Variants in CFAP73 observed in about 807,000 individuals in gnomAD.
CFAP73 encodes the protein cilia- and flagella-associated protein 73.
In CFAP73, 33 loss-of-function variants were observed where a neutral mutation model predicts 42.9. The ratio of observed to expected loss-of-function variants is 0.77; its 90% CI spans 0.58 to 1.03. The LOEUF (loss-of-function observed/expected upper bound fraction) is 1.03, where lower values mean the gene tolerates loss of function less well. CFAP73 is among the 50% of genes least tolerant of loss of function. The probability of loss-of-function intolerance (pLI) is 0.00; values close to 1 mark genes in which losing one functional copy is unlikely to be tolerated. For missense variants in CFAP73, 392 were observed against 411.9 expected (o/e 0.95, Z 0.42); for synonymous variants, 162 against 186.8 (o/e 0.87, Z 1.08).
chr12:113,156,396 G>A (rs1230167753), intron 6 of CFAP73, among the ~76,000 whole-genome samples: 1 of 151,726 alleles, frequency 6.6e-6, no homozygotes, highest in Non-Finnish European at 1.5e-5. Context: ...TTTTTATTCG[G>A]CCGGGAGCTC....
intron 1 of CFAP73, among the ~76,000 whole-genome samples, chr12:113,151,179 T>G (rs1036760728): frequency 6.6e-6 from 1 of 152,150 alleles, no homozygotes; most frequent in African/African-American, 2.4e-5. Flanking sequence ...CAGGACAATT[T>G]GTTCAATGAA....
chr12:113,152,067 G>A, intron 2 of CFAP73, 44 bp downstream of exon 2: 1 of 1,401,292 alleles, frequency 7.1e-7, no homozygotes, highest in Non-Finnish European at 9.9e-7. Context: ...TGGTGGATGG[G>A]AAGTGATGGA....
Position 113,159,035 on chromosome 12 carries a change from G to A in CFAP73, c.*346G>A, listed in dbSNP as rs746096469. 1.2e-6 allele frequency: 2 copies of A among 1,611,602 alleles called. No homozygotes were observed. The highest frequency in any genetic ancestry group is 1.7e-6 in the Non-Finnish European group (2 of 1,179,214). On this transcript the variant is annotated 3_prime_UTR_variant, in exon 8 of 8. Transcript: ENST00000335621. The stretch of plus-strand genomic sequence containing the variant: ...TTCTGGGCCCGGCGCCGCTGCTTCA[G>A]GATCTGCTGCTTGGTCTTGAGTTCC...
intron 3 of CFAP73, 103 bp downstream of exon 3, chr12:113,152,990 T>C (rs967136154): frequency 3.3e-6 from 3 of 920,034 alleles, no homozygotes; most frequent in Admixed American, 5.3e-5. Context: ...GTTTTCGTCA[T>C]GCAAAAGGAA....
At chr12:113,155,015 C>G (rs1024299966) in intron 5 of CFAP73, among the ~76,000 whole-genome samples, 2 of 152,098 alleles carry the variant, frequency 1.3e-5, no homozygotes, top group African/African-American at 4.8e-5. Flanking sequence ...ACTAAAAATA[C>G]AAAAATTAGC....
Position 113,158,747 on chromosome 12 carries a change from A to T in CFAP73, c.*58A>T. On this transcript the variant is annotated 3_prime_UTR_variant, in exon 8 of 8. Transcript: ENST00000335621. This position sits in a 1 kb window ranked among gnomAD's most constrained non-coding sequence, Gnocchi z 4.9. Reference sequence around the variant, plus strand: ...CTGTGGCCATACAGTGCTCCTTTTCACAGATGATGGCTCCTGCAGGGAGTG... The same window carrying T: ...CTGTGGCCATACAGTGCTCCTTTTCTCAGATGATGGCTCCTGCAGGGAGTG... The T allele has an allele frequency of 9.5e-7, 1 of 1,048,384 alleles. No individual in the cohort carries two copies. The allele number at this position is 1,048,384 out of a possible 1,614,324, so 64.9% of individuals were successfully genotyped here.
intron 1 of CFAP73, among the ~76,000 whole-genome samples, chr12:113,151,693 G>C: frequency 6.6e-6 from 1 of 151,342 alleles, no homozygotes. Flanking sequence ...AGCTACTCAA[G>C]AGACAAGATG....
rs1196561363 is a variant in CFAP73 at position 113,149,890 on chromosome 12, G to A, written c.33G>A (p.Leu11=). The A allele has an allele frequency of 1.9e-6, 3 of 1,551,574 alleles. No individual in the cohort carries two copies. The highest frequency in any genetic ancestry group is 2.6e-6 in the Non-Finnish European group (3 of 1,146,986). Residue 11 remains leucine, a synonymous_variant, in exon 1 of 8, where the codon CTG becomes CTA. Coordinates refer to ENST00000335621, the MANE Select transcript of CFAP73 (RefSeq NM_001144872.3). MAVPWEEYFR[L]ALQEKLSTKL... is the part of the protein sequence containing the mutation. ...TGCCCTGGGAGGAATATTTCCGACT[G>A]GCTTTGCAAGAGAAACTGTCTACGT...
In CFAP73 at chr12:113,152,906, G is replaced by A; in HGVS notation, c.267+19G>A. 1 of 1,488,346 alleles carries A rather than the reference G, an allele frequency of 6.7e-7. No homozygotes were observed. Among genetic ancestry groups the A allele is most frequent in the East Asian group, 2.5e-5 (1 of 40,652 alleles). The allele number at this position is 1,488,346 out of a possible 1,614,324, so 92.2% of individuals were successfully genotyped here. On this transcript the variant is annotated intron_variant, in intron 3 of 7. Coordinates refer to ENST00000335621, the MANE Select transcript of CFAP73 (RefSeq NM_001144872.3). The stretch of plus-strand genomic sequence containing the variant: ...TTTGCAGGTAGGTGGAGCCTCCTGG[G>A]GGGGAGGCGGGGCCTATGGGTAGCA...
rs766640614 is a variant in CFAP73, at chr12:113,152,788, C to G, written c.168C>G (p.Phe56Leu). The change falls in exon 3 of 8, where the codon TTC (phenylalanine) becomes TTG (leucine). Residue 56 changes from phenylalanine to leucine, a missense_variant. Physicochemically the swap from Phe to Leu is conservative, Grantham distance 22. Coordinates refer to ENST00000335621, the MANE Select transcript of CFAP73 (RefSeq NM_001144872.3). ...AACCCACTCCTCACCCCCAGGTGTT[C>G]CGCACCAAGACGGCAGCCCTGAAAC... ...DQALQAQKEV[F>L]RTKTAALKQR... 1 of 1,551,442 alleles carries G rather than the reference C, an allele frequency of 6.4e-7. No homozygotes were observed. The highest frequency in any genetic ancestry group is 1.2e-5 in the South Asian group (1 of 84,042).
Position 113,154,643 on chromosome 12 carries a change from C to A in CFAP73, c.690+8C>A, listed in dbSNP as rs754566301. On this transcript the variant is annotated splice_region_variant and intron_variant, in intron 5 of 7. Coordinates refer to ENST00000335621, the MANE Select transcript of CFAP73 (RefSeq NM_001144872.3). This position sits in a 1 kb window ranked among gnomAD's most constrained non-coding sequence, Gnocchi z 4.7. The stretch of plus-strand genomic sequence containing the variant: ...GAGCGTACGCTGCAGTGGGTACGAC[C>A]CGCCCTAGGTGGGGGGCGCTCCGGA... 238 of 1,393,888 alleles carry A rather than the reference C, an allele frequency of 1.7e-4. 3 individuals are homozygous for A. The South Asian group carries it at 3.6e-3, about 21-fold the overall frequency. The allele number at this position is 1,393,888 out of a possible 1,614,324, so 86.3% of individuals were successfully genotyped here.
At position 113,152,855 on chromosome 12, in the gene CFAP73, G is replaced by C; in HGVS notation, c.235G>C (p.Gly79Arg). 1.3e-6 allele frequency: 2 copies of C among 1,551,676 alleles called. No individual in the cohort carries two copies. Among genetic ancestry groups the C allele is most frequent in the Non-Finnish European group, 1.7e-6 (2 of 1,146,968 alleles). ...QLEQKERELK[G>R]SFIRFDKFLQ... ...GGAACAAAAGGAGCGGGAGCTAAAG[G>C]GATCGTTCATCCGCTTTGACAAGTT... The change falls in exon 3 of 8, where the codon GGA becomes CGA. Residue 79 changes from glycine to arginine, a missense_variant. Gly to Arg is a moderately radical substitution (Grantham distance 125). Transcript: ENST00000335621.
At chr12:113,152,989 A>C in intron 3 of CFAP73, 102 bp downstream of exon 3, 1 of 920,850 alleles carries the variant, frequency 1.1e-6, no homozygotes, top group Non-Finnish European at 1.6e-6. Context: ...GGTTTTCGTC[A>C]TGCAAAAGGA....
At position 113,158,777 on chromosome 12, in the gene CFAP73, C is replaced by T; in HGVS notation, c.*88C>T. 1 of 1,305,272 alleles carries T rather than the reference C, an allele frequency of 7.7e-7. No individual in the cohort carries two copies. Among genetic ancestry groups the T allele is most frequent in the Non-Finnish European group, 1.0e-6 (1 of 961,452 alleles). 80.9% of individuals were successfully genotyped at this position (1,305,272 alleles called of 1,614,324 possible). A position where few individuals can be genotyped will look rare whatever the true frequency, so the allele number is the denominator to read the frequency against. On this transcript the variant is annotated 3_prime_UTR_variant, in exon 8 of 8. Coordinates refer to ENST00000335621, the MANE Select transcript of CFAP73 (RefSeq NM_001144872.3). This position sits in a 1 kb window ranked among gnomAD's most constrained non-coding sequence, Gnocchi z 4.9. The stretch of plus-strand genomic sequence containing the variant: ...TGATGGCTCCTGCAGGGAGTGCCCC[C>T]AGTGCCCAGCACAGGGCCAGGCACA...
rs1365090911 is a variant in CFAP73 at position 113,155,428 on chromosome 12, C to T, written c.849+10C>T. The T allele has an allele frequency of 6.5e-7, 1 of 1,534,154 alleles. No homozygotes were observed. Among genetic ancestry groups the T allele is most frequent in the Non-Finnish European group, 8.8e-7 (1 of 1,135,694 alleles). On this transcript the variant is annotated intron_variant, in intron 6 of 7. Transcript: ENST00000335621. The stretch of plus-strand genomic sequence containing the variant: ...GGGACAGCTAGAGCACGTGAGGACC[C>T]CTCTTTATGGCACCTCCAGCCCCCA...
Position 113,149,784 on chromosome 12 carries a change from A to T in CFAP73, c.-74A>T. 1 of 1,479,684 alleles carries T rather than the reference A, an allele frequency of 6.8e-7. No homozygotes were observed. The highest frequency in any genetic ancestry group is 9.2e-7 in the Non-Finnish European group (1 of 1,083,978). The allele number at this position is 1,479,684 out of a possible 1,614,324, so 91.7% of individuals were successfully genotyped here. A position where few individuals can be genotyped will look rare whatever the true frequency, so the allele number is the denominator to read the frequency against. ...AGCAGGCTTCCACACCACGCTCCAC[A>T]GAACCCCCAGGGTCTCCTAAGCTTG... On this transcript the variant is annotated 5_prime_UTR_variant, in exon 1 of 8. Coordinates refer to ENST00000335621, the MANE Select transcript of CFAP73 (RefSeq NM_001144872.3).
intron 6 of CFAP73, 30 bp downstream of exon 6, chr12:113,155,448 C>A (rs1372147730): frequency 6.6e-7 from 1 of 1,516,088 alleles, no homozygotes; most frequent in Non-Finnish European, 8.9e-7. Context: ...GCACCTCCAG[C>A]CCCCAAACAC....
In CFAP73 at chr12:113,155,402, A is replaced by G; in HGVS notation, c.833A>G (p.Glu278Gly). The change falls in exon 6 of 8, where the codon GAG becomes GGG. Residue 278 changes from glutamate (E) to glycine (G), a missense_variant. Coordinates refer to ENST00000335621, the MANE Select transcript of CFAP73 (RefSeq NM_001144872.3). ...QPPTLDIEDTEGQLEHVKLFM... is the reference protein window; with the variant it reads ...QPPTLDIEDTGGQLEHVKLFM... The stretch of plus-strand genomic sequence containing the variant: ...CCCACCCTGGACATCGAGGACACGG[A>G]GGGACAGCTAGAGCACGTGAGGACC... The G allele has an allele frequency of 6.4e-7, 1 of 1,550,460 alleles. No homozygotes were observed.
chr12:113,151,866 G>A, intron 1 of CFAP73, 52 bp from the exon 2 acceptor site: 1 of 1,289,784 alleles, frequency 7.8e-7, no homozygotes, highest in Non-Finnish European at 1.1e-6. Flanking sequence ...GTGAGATGTG[G>A]GGCCCTGAAA....
Sources: allele counts gnomAD v4.1 joint callset (sites outside exome capture counted in the v4.1 genomes callset), GRCh38; gene constraint gnomAD v4.1.1; non-coding constraint Gnocchi (gnomAD v3.1); transcripts MANE v1.5; gene names NCBI Gene and HGNC (gene_info 2026-07-23, HGNC 2026-07-21).